The following MACF1 variants were observed in gnomAD, a reference collection of about 807,000 sequenced individuals.
The protein encoded by MACF1 is microtubule-actin cross-linking factor 1.
Under a neutral mutation model 854.8 loss-of-function variants are expected in MACF1, and 193 were observed. That is an observed-to-expected ratio of 0.23 (90% CI 0.20 to 0.25). MACF1 has a LOEUF of 0.25. Ranked by LOEUF, MACF1 falls within the 10% of genes least tolerant of loss-of-function variation. The pLI is 1.00. For missense variants in MACF1, 7,722 were observed against 8,929.1 expected (o/e 0.86, Z 5.45); for synonymous variants, 3,185 against 3,226.7 (o/e 0.99, Z 0.44).
intron 38 of MACF1, among the ~76,000 whole-genome samples, chr1:39,340,073 T>C (rs1253768577): frequency 1.3e-5 from 2 of 152,064 alleles, no homozygotes; most frequent in African/African-American, 4.8e-5. Flanking sequence ...GAATTTAGAG[T>C]GGAAGAGTCA....
chr1:39,292,954 C>T, intron 17 of MACF1, 111 bp downstream of exon 17: 1 of 787,862 alleles, frequency 1.3e-6, no homozygotes, highest in Non-Finnish European at 2.0e-6. Flanking sequence ...TGGTTTTCTG[C>T]TTATTAGGTT....
At chr1:39,371,807 C>T (rs1341171039) in intron 51 of MACF1, among the ~76,000 whole-genome samples, 2 of 147,508 alleles carry the variant, frequency 1.4e-5, no homozygotes, top group Non-Finnish European at 3.0e-5. Context: ...AAACTCTTAT[C>T]TTTCTTTGCT....
intron 49 of MACF1, among the ~76,000 whole-genome samples, chr1:39,363,505 A>T (rs1474447691): frequency 6.6e-6 from 1 of 152,090 alleles, no homozygotes; most frequent in Admixed American, 6.5e-5. Flanking sequence ...CTTGGAAATC[A>T]CTTAATATGG....
At position 39,355,460 on chromosome 1, in the gene MACF1, CTTTTTTTTTT is replaced by C. The variant is rs56202498; in HGVS notation, c.11425-1899_11425-1890del. 6.7e-3 allele frequency among the ~76,000 whole-genome samples: 544 copies of C among 81,120 alleles called. 3 individuals are homozygous for C. The highest frequency in any genetic ancestry group is 0.026 in the Middle Eastern group (2 of 76). 53.2% of individuals were successfully genotyped at this position (81,120 alleles called of 152,430 possible). On this transcript the variant is annotated intron_variant, in intron 44 of 100. Transcript: ENST00000564288. ...ATTCCAGCTTTCTTTTTTTCTTCTG[CTTTTTTTTTT>C]TTTTTTTTTTTTTTTGAGACGGAGT...
chr1:39,285,881 T>A, intron 14 of MACF1, 123 bp downstream of exon 14: 1 of 1,067,962 alleles, frequency 9.4e-7, no homozygotes, highest in Non-Finnish European at 1.4e-6. Context: ...AGTGTCTCAA[T>A]GGGGATACTA....
chr1:39,427,888 G>T, intron 62 of MACF1, 73 bp from the exon 63 acceptor site: 1 of 1,170,836 alleles, frequency 8.5e-7, no homozygotes, highest in Non-Finnish European at 1.2e-6. Context: ...TGTATCATTT[G>T]TTATTCATCA....
intron 3 of MACF1, among the ~76,000 whole-genome samples, chr1:39,250,869 G>A (rs997122074): frequency 2.0e-5 from 3 of 152,120 alleles, no homozygotes; most frequent in African/African-American, 4.8e-5. Flanking sequence ...CTATATTTGA[G>A]CCTAATGGGA....
At chr1:39,471,854 T>C (rs1644784504) in intron 97 of MACF1, among the ~76,000 whole-genome samples, 1 of 152,142 alleles carries the variant, frequency 6.6e-6, no homozygotes, top group Non-Finnish European at 1.5e-5. Context: ...ACAGATAAAA[T>C]TTACCATCCT....
chr1:39,413,089 C>G lies in MACF1; in HGVS notation c.15817-9285C>G, dbSNP rs1329696528. ...TCCAGCTGTTGCAGCAGCCATCACACAGGAGGGTATGTCAGCTGTCGCAGG... is the reference window on the plus strand; with the variant it reads ...TCCAGCTGTTGCAGCAGCCATCACAGAGGAGGGTATGTCAGCTGTCGCAGG... On this transcript the variant is annotated intron_variant, in intron 58 of 100. Transcript: ENST00000564288. 4 of 1,604,524 alleles carry G rather than the reference C, an allele frequency of 2.5e-6. No individual in the cohort carries two copies. The East Asian group carries it at 9.0e-5, about 36-fold the overall frequency.
chr1:39,202,072 T>G (rs559564909), upstream of MACF1, among the ~76,000 whole-genome samples: 66 of 143,634 alleles, frequency 4.6e-4, no homozygotes, highest in African/African-American at 1.4e-3. Context: ...GTTCAAACCA[T>G]TCTCCTGCCT....
chr1:39,313,505 C>A (rs1009390303), intron 26 of MACF1, among the ~76,000 whole-genome samples: 1 of 152,078 alleles, frequency 6.6e-6, no homozygotes, highest in African/African-American at 2.4e-5. Context: ...AAGGAAAAAC[C>A]AGGCCTTCTT....
intron 14 of MACF1, among the ~76,000 whole-genome samples, chr1:39,285,959 T>C (rs1645633418): frequency 6.6e-6 from 1 of 152,224 alleles, no homozygotes; most frequent in African/African-American, 2.4e-5. Context: ...TCCATCCCAC[T>C]AAGTACCTAT....
chr1:39,333,495 G>A lies in MACF1; in HGVS notation c.6907G>A (p.Gly2303Ser). 6.2e-7 allele frequency: 1 copy of A among 1,614,144 alleles called. No individual in the cohort carries two copies. The highest frequency in any genetic ancestry group is 8.5e-7 in the Non-Finnish European group (1 of 1,180,026). The change falls in exon 37 of 101, where the codon GGT (glycine) becomes AGT (serine). Residue 2303 changes from glycine to serine, a missense_variant. Coordinates refer to ENST00000564288, the MANE Select transcript of MACF1 (RefSeq NM_001394062.1). ...LDGGIFHEQT[G>S]QKLLLNEAIS... ...TGGTGGTATCTTTCATGAACAAACA[G>A]GTCAAAAGCTCTTACTAAATGAAGC... is the stretch of plus-strand genomic sequence containing the variant.
At chr1:39,404,357 G>A (rs182558383) in intron 58 of MACF1, among the ~76,000 whole-genome samples, 4 of 151,928 alleles carry the variant, frequency 2.6e-5, no homozygotes, top group African/African-American at 9.7e-5. Context: ...TGTCATCCCA[G>A]CTACTTGGGA....
chr1:39,463,511 A>G lies in MACF1; in HGVS notation c.21679-101A>G. ...ATCTCAAAAAAAAAAAAAAATGTAA[A>G]TAATGAATAGCCTCCCTGTTAATGT... is the stretch of plus-strand genomic sequence containing the variant. On this transcript the variant is annotated intron_variant, in intron 93 of 100. Transcript: ENST00000564288. The G allele has an allele frequency of 6.3e-6, 5 of 787,856 alleles. No homozygotes were observed. In the South Asian group the frequency reaches 7.7e-5, roughly 12 times the overall value. 48.8% of individuals were successfully genotyped at this position (787,856 alleles called of 1,614,324 possible).
At chr1:39,303,724 C>T (rs1278246330) in intron 23 of MACF1, among the ~76,000 whole-genome samples, 1 of 149,784 alleles carries the variant, frequency 6.7e-6, no homozygotes. Context: ...ATTTGCCGGG[C>T]GTGATGGCAG....
chr1:39,296,304 C>T (rs1161922355), intron 20 of MACF1, among the ~76,000 whole-genome samples: 1 of 151,956 alleles, frequency 6.6e-6, no homozygotes, highest in Admixed American at 6.6e-5. Context: ...TATTAATGTG[C>T]CTTTGGTTAA....
Position 39,387,594 on chromosome 1 carries a change from T to A in MACF1, c.14752T>A (p.Trp4918Arg), listed in dbSNP as rs1298194451. Residue 4918 changes from tryptophan to arginine, a missense_variant, in exon 58 of 101, where the codon TGG (tryptophan) becomes AGG (arginine). By Grantham distance (101) the Trp-to-Arg change is moderately radical. Coordinates refer to ENST00000564288, the MANE Select transcript of MACF1 (RefSeq NM_001394062.1). Reference protein sequence around the residue: ...YQWHVEDLVPWIEDCKAKMSE... With the variant: ...YQWHVEDLVPRIEDCKAKMSE... ...GTGGCATGTGGAAGACCTTGTGCCA[T>A]GGATAGAAGATTGTAAAGCTAAGAT... 6.2e-7 allele frequency: 1 copy of A among 1,614,116 alleles called. No homozygotes were observed. The highest frequency in any genetic ancestry group is 8.5e-7 in the Non-Finnish European group (1 of 1,180,020).
At chr1:39,166,605 C>T (rs997756008) in intron 2 of MACF1, among the ~76,000 whole-genome samples, 1 of 151,240 alleles carries the variant, frequency 6.6e-6, no homozygotes, top group Non-Finnish European at 1.5e-5. Flanking sequence ...TTGCCCACTA[C>T]CACACCTGGC....
Sources: gnomAD v4.1 joint callset for allele counts (sites outside exome capture counted in the v4.1 genomes callset) on GRCh38, gnomAD v4.1.1 for gene constraint, MANE v1.5 for transcripts, NCBI Gene and HGNC (gene_info 2026-07-23, HGNC 2026-07-21) for gene names.